The following DCT variants were observed in gnomAD, a reference collection of about 807,000 sequenced individuals.
DCT encodes the protein dopachrome tautomerase, also known as L-dopachrome tautomerase.
In DCT, 47 loss-of-function variants were observed where a neutral mutation model predicts 53.0. The ratio of observed to expected loss-of-function variants is 0.89; its 90% CI spans 0.70 to 1.13. DCT has a LOEUF of 1.13. DCT is among the 50% of genes most tolerant of loss of function. The probability of loss-of-function intolerance (pLI) is 0.00; values close to 1 mark genes in which losing one functional copy is unlikely to be tolerated. For missense variants in DCT, 669 were observed against 637.4 expected, an observed-to-expected ratio of 1.05 and a Z score of -0.53; for synonymous variants, 244 against 237.0, an observed-to-expected ratio of 1.03 and a Z score of -0.27.
At chr13:94,448,140 G>C (rs1197636621) in intron 6 of DCT, among the ~76,000 whole-genome samples, 2 of 152,060 alleles carry the variant, frequency 1.3e-5, no homozygotes, top group African/African-American at 4.8e-5. Flanking sequence ...CCAGCTACTT[G>C]AGGCTGAGAT....
the DCT span, among the ~76,000 whole-genome samples, chr13:94,515,799 G>A: frequency 6.6e-6 from 1 of 152,134 alleles, no homozygotes; most frequent in Non-Finnish European, 1.5e-5. Flanking sequence ...TACTCACCTG[G>A]GAGTTCAGCT....
At chr13:94,461,365 C>T (rs1224963456) in intron 5 of DCT, among the ~76,000 whole-genome samples, 2 of 152,150 alleles carry the variant, frequency 1.3e-5, no homozygotes, top group Non-Finnish European at 2.9e-5. Context: ...TACCACCACA[C>T]CTGGCTACTT....
At position 94,465,634 on chromosome 13, in the gene DCT, T is replaced by C. The variant is rs1326184466; in HGVS notation, c.862A>G (p.Ser288Gly). 6.2e-7 allele frequency: 1 copy of C among 1,612,928 alleles called. No homozygotes were observed. The highest frequency in any genetic ancestry group is 8.5e-7 in the Non-Finnish European group (1 of 1,179,456). The change falls in exon 4 of 8, where the codon AGC becomes GGC. Residue 288 changes from serine (S) to glycine (G), a missense_variant and splice_region_variant. Coordinates refer to ENST00000377028, the MANE Select transcript of DCT (RefSeq NM_001922.5). The part of the protein sequence containing the change: ...RFSSWETVCD[S>G]LDDYNHLVTL... The stretch of plus-strand genomic sequence containing the variant: ...CATTGCAGGTACAGGAGCCATTACC[T>C]ATCACAGACAGTTTCCCAGCTGGAG...
In DCT at chr13:94,459,749, A is replaced by G. The variant is rs746979375; in HGVS notation, c.1179+342T>C. Among the ~76,000 whole-genome samples, 4 of 152,216 alleles carry G rather than the reference A, an allele frequency of 2.6e-5. No homozygotes were observed. The East Asian group carries it at 7.7e-4, about 29-fold the overall frequency. On this transcript the variant is annotated intron_variant, in intron 6 of 7. Coordinates refer to ENST00000377028, the MANE Select transcript of DCT (RefSeq NM_001922.5). Reference sequence around the variant, plus strand: ...AACAGAACCTCTCTTTCCTGCAGGTAACACATTGAAGGTGGTTTGTGTGGA... The same window carrying G: ...AACAGAACCTCTCTTTCCTGCAGGTGACACATTGAAGGTGGTTTGTGTGGA...
the DCT span, among the ~76,000 whole-genome samples, chr13:94,526,145 A>G: frequency 3.0e-4 from 46 of 152,198 alleles, no homozygotes; most frequent in African/African-American, 1.1e-3. Flanking sequence ...GGTCCCAACT[A>G]TGGGTACTAT....
At chr13:94,465,519 G>A in intron 4 of DCT, 114 bp downstream of exon 4, 1 of 901,230 alleles carries the variant, frequency 1.1e-6, no homozygotes, top group Non-Finnish European at 1.6e-6. Context: ...TTAGAAACAT[G>A]TAAATAGGAC....
intron 6 of DCT, chr13:94,444,495 C>T: frequency 2.3e-6 from 1 of 432,860 alleles, no homozygotes; most frequent in Non-Finnish European, 4.6e-6. Context: ...CATTAAAGTC[C>T]TTTTAAAATA....
At chr13:94,482,515 T>C (rs1300347997), upstream of DCT, among the ~76,000 whole-genome samples, 1 of 152,188 alleles carries the variant, frequency 6.6e-6, no homozygotes, top group Admixed American at 6.5e-5. Flanking sequence ...TTTATTTTCT[T>C]CATAGCACTT....
chr13:94,443,552 G>T lies in DCT; in HGVS notation c.1265C>A (p.Ala422Asp). 2.5e-6 allele frequency: 4 copies of T among 1,613,686 alleles called. No homozygotes were observed. Among genetic ancestry groups the T allele is most frequent in the Non-Finnish European group, 3.4e-6 (4 of 1,179,640 alleles). The change falls in exon 7 of 8, where the codon GCC becomes GAC. Residue 422 changes from alanine (A) to aspartate (D), a missense_variant. Transcript: ENST00000377028. Reference protein sequence around the residue: ...PPADAWPQELAPIGHNRMYNM... With the variant: ...PPADAWPQELDPIGHNRMYNM... ...GTACATCCGATTGTGACCAATAGGG[G>T]CCAGCTCCTGAGGCCAGGCATCTGC...
Position 94,438,770 on chromosome 13 carries a change from A to G in DCT, c.*1128T>C. ...TTGCATAGCAGAATATAACCACTTA[A>G]TTCTGAATTGTCATGTTTTGTACAG... is the stretch of plus-strand genomic sequence containing the variant. On this transcript the variant is annotated 3_prime_UTR_variant, in exon 8 of 8. Transcript: ENST00000377028. The G allele has an allele frequency of 2.5e-6, 1 of 400,666 alleles. No homozygotes were observed. The highest frequency in any genetic ancestry group is 5.0e-6 in the Non-Finnish European group (1 of 200,658). The allele number at this position is 400,666 out of a possible 1,614,324, so 24.8% of individuals were successfully genotyped here.
chr13:94,526,885 G>A, the DCT span, among the ~76,000 whole-genome samples: 1 of 152,066 alleles, frequency 6.6e-6, no homozygotes, highest in Non-Finnish European at 1.5e-5. Flanking sequence ...AGCCGTGACA[G>A]ACTGTACCTG....
chr13:94,501,007 A>G, the DCT span, among the ~76,000 whole-genome samples: 2 of 152,094 alleles, frequency 1.3e-5, no homozygotes, highest in African/African-American at 4.8e-5. Flanking sequence ...TATAGATTTT[A>G]AAAGAATTTG....
At chr13:94,498,820 CTG>C in the DCT span, among the ~76,000 whole-genome samples, 1 of 152,180 alleles carries the variant, frequency 6.6e-6, no homozygotes, top group South Asian at 2.1e-4. Flanking sequence ...AATCAGCACT[CTG>C]TAAAAACACA....
chr13:94,505,095 A>T, the DCT span, among the ~76,000 whole-genome samples: 1 of 151,916 alleles, frequency 6.6e-6, no homozygotes, highest in Non-Finnish European at 1.5e-5. Context: ...AAAAGTTTAG[A>T]AAATGTTTAT....
chr13:94,507,109 A>T, the DCT span, among the ~76,000 whole-genome samples: 1 of 152,198 alleles, frequency 6.6e-6, no homozygotes, highest in African/African-American at 2.4e-5. Context: ...ACACAACTAC[A>T]TGGCATGCCA....
chr13:94,532,584 A>G, the DCT span, among the ~76,000 whole-genome samples: 1 of 152,200 alleles, frequency 6.6e-6, no homozygotes, highest in Non-Finnish European at 1.5e-5. Context: ...GGAGTTGAAC[A>G]ACGAGAATAC....
At chr13:94,524,721 G>A in the DCT span, among the ~76,000 whole-genome samples, 2 of 151,730 alleles carry the variant, frequency 1.3e-5, no homozygotes, top group African/African-American at 2.4e-5. Context: ...GGGTTTTGTT[G>A]TCGGTTGAAT....
At chr13:94,493,090 A>C in the DCT span, among the ~76,000 whole-genome samples, 16 of 152,202 alleles carry the variant, frequency 1.1e-4, no homozygotes, top group African/African-American at 3.9e-4. Context: ...GCTCAAGACA[A>C]GAGAGACTCT....
At chr13:94,465,010 C>T (rs1884070301) in intron 4 of DCT, among the ~76,000 whole-genome samples, 1 of 152,054 alleles carries the variant, frequency 6.6e-6, no homozygotes, top group Non-Finnish European at 1.5e-5. Context: ...CCCACACTCC[C>T]CTCACCCTCC....
Sources: allele counts gnomAD v4.1 joint callset (sites outside exome capture counted in the v4.1 genomes callset), GRCh38; gene constraint gnomAD v4.1.1; transcripts MANE v1.5; gene names NCBI Gene and HGNC (gene_info 2026-07-23, HGNC 2026-07-21).